DOCK3: variants seen among roughly 807,000 people sequenced by gnomAD.
The protein encoded by DOCK3 is dedicator of cytokinesis 3, also known as dedicator of cytokinesis protein 3.
A neutral mutation model predicts 265.6 loss-of-function variants in DOCK3; 60 were observed. The ratio of observed to expected loss-of-function variants is 0.23; its 90% CI spans 0.18 to 0.28. The LOEUF (loss-of-function observed/expected upper bound fraction) is 0.28, where lower values mean the gene tolerates loss of function less well. Ranked by LOEUF, DOCK3 falls within the 10% of genes least tolerant of loss-of-function variation. DOCK3 has a pLI of 1.00. For missense variants in DOCK3, 1,981 were observed against 2,594.3 expected, an observed-to-expected ratio of 0.76 and a Z score of 5.14; for synonymous variants, 881 against 938.0, an observed-to-expected ratio of 0.94 and a Z score of 1.11.
chr3:50,969,944 C>T (rs554948425), intron 5 of DOCK3, among the ~76,000 whole-genome samples: 41 of 152,134 alleles, frequency 2.7e-4, no homozygotes, highest in African/African-American at 8.4e-4. Context: ...TGGTGGCGGG[C>T]GCCTGTAGTC....
chr3:51,180,683 C>A (rs1447852858), intron 12 of DOCK3, among the ~76,000 whole-genome samples: 2 of 152,182 alleles, frequency 1.3e-5, no homozygotes, highest in Non-Finnish European at 2.9e-5. Flanking sequence ...TCTGCAAAGA[C>A]CCTTTTTCCA....
chr3:51,348,579 A>G (rs1281207176), intron 38 of DOCK3, among the ~76,000 whole-genome samples: 1 of 152,246 alleles, frequency 6.6e-6, no homozygotes, highest in Non-Finnish European at 1.5e-5. Flanking sequence ...CAGAACAGAA[A>G]TGGACAAGGA....
In DOCK3 at chr3:51,179,770, G is replaced by A. The variant is rs115186517; in HGVS notation, c.1037+19068G>A. Among the ~76,000 whole-genome samples the A allele has an allele frequency of 6.7e-3, 1,024 of 151,878 alleles. 6 individuals carry two copies. Among genetic ancestry groups the A allele is most frequent in the African/African-American group, 0.023 (957 of 41,380 alleles). On this transcript the variant is annotated intron_variant, in intron 12 of 52. Coordinates refer to ENST00000266037, the MANE Select transcript of DOCK3 (RefSeq NM_004947.5). ...TCTACAAAAAATAAAAAATTAGCCG[G>A]GCTTGGTGGTGCATGCCTGTAGTCC...
In DOCK3 at chr3:50,750,192, C is replaced by T. The variant is rs1293402704; in HGVS notation, c.38-28483C>T. Among the ~76,000 whole-genome samples the T allele has an allele frequency of 3.3e-5, 5 of 151,990 alleles. No homozygotes were observed. The South Asian group carries it at 1.0e-3, about 32-fold the overall frequency. ...TAATGACTGATGATCTGAGGTAGGG[C>T]AATTTCATCCTCAAACCCTCATCCC... is the stretch of plus-strand genomic sequence containing the variant. On this transcript the variant is annotated intron_variant, in intron 1 of 52. Coordinates refer to ENST00000266037, the MANE Select transcript of DOCK3 (RefSeq NM_004947.5).
chr3:50,906,657 C>G (rs544197470), intron 4 of DOCK3, among the ~76,000 whole-genome samples: 2 of 151,996 alleles, frequency 1.3e-5, no homozygotes, highest in South Asian at 2.1e-4. Context: ...TCTCTCTTTT[C>G]TTTGTTATTC....
At chr3:51,338,032 G>A (rs1290446515) in intron 35 of DOCK3, among the ~76,000 whole-genome samples, 1 of 152,222 alleles carries the variant, frequency 6.6e-6, no homozygotes, top group African/African-American at 2.4e-5. Context: ...TTGGGAAGTT[G>A]AGGATTTGGC....
intron 3 of DOCK3, among the ~76,000 whole-genome samples, chr3:50,869,632 A>G (rs2047341362): frequency 6.6e-6 from 1 of 151,890 alleles, no homozygotes; most frequent in Non-Finnish European, 1.5e-5. Flanking sequence ...TTGGCCTCCG[A>G]AAGTGCTGGG....
At chr3:51,073,164 A>C (rs1382573075) in intron 6 of DOCK3, among the ~76,000 whole-genome samples, 1 of 152,174 alleles carries the variant, frequency 6.6e-6, no homozygotes, top group African/African-American at 2.4e-5. Flanking sequence ...TAAAAAGTTT[A>C]ATGTGACTAC....
chr3:51,358,260 G>T (rs1021512184), intron 46 of DOCK3, among the ~76,000 whole-genome samples, 183 bp downstream of exon 46: 3 of 152,168 alleles, frequency 2.0e-5, no homozygotes, highest in Non-Finnish European at 4.4e-5. Flanking sequence ...CCAGGGGAAG[G>T]ATGCTGAGGA....
At chr3:51,282,482 T>C (rs1205868549) in intron 27 of DOCK3, among the ~76,000 whole-genome samples, 1 of 151,796 alleles carries the variant, frequency 6.6e-6, no homozygotes, top group Admixed American at 6.6e-5. Context: ...AGAGAAACCC[T>C]GTCTCTACTA....
At chr3:50,768,389 A>T (rs956305430) in intron 1 of DOCK3, among the ~76,000 whole-genome samples, 1 of 152,174 alleles carries the variant, frequency 6.6e-6, no homozygotes, top group African/African-American at 2.4e-5. Flanking sequence ...TTTTAGACCA[A>T]TATCCCTGAT....
At chr3:51,178,855 A>T (rs2087121477) in intron 12 of DOCK3, among the ~76,000 whole-genome samples, 1 of 152,252 alleles carries the variant, frequency 6.6e-6, no homozygotes, top group South Asian at 2.1e-4. Flanking sequence ...GAATTTGGAT[A>T]AAGTTGATGT....
intron 32 of DOCK3, among the ~76,000 whole-genome samples, chr3:51,324,394 A>G (rs951234315): frequency 6.6e-5 from 10 of 152,346 alleles, no homozygotes; most frequent in African/African-American, 2.4e-4. Context: ...AAGGAGAACT[A>G]CAAACCACTG....
intron 27 of DOCK3, among the ~76,000 whole-genome samples, chr3:51,308,487 T>C (rs1050708049): frequency 1.3e-5 from 2 of 151,516 alleles, no homozygotes; most frequent in Non-Finnish European, 2.9e-5. Flanking sequence ...TTAATCCATT[T>C]AACCCTGAGT....
At chr3:50,887,925 A>G (rs1166832010) in intron 3 of DOCK3, among the ~76,000 whole-genome samples, 1 of 152,154 alleles carries the variant, frequency 6.6e-6, no homozygotes, top group East Asian at 1.9e-4. Flanking sequence ...CAAAAACTGG[A>G]AGTATTCACT....
At chr3:50,884,017 A>G (rs931321882) in intron 3 of DOCK3, among the ~76,000 whole-genome samples, 29 of 151,820 alleles carry the variant, frequency 1.9e-4, no homozygotes, top group African/African-American at 6.3e-4. Context: ...CATTCAGCAT[A>G]ATGTTTTCTG....
At chr3:50,759,370 G>T (rs1212828810) in intron 1 of DOCK3, among the ~76,000 whole-genome samples, 1 of 151,940 alleles carries the variant, frequency 6.6e-6, no homozygotes, top group Non-Finnish European at 1.5e-5. Context: ...TTTAATATTT[G>T]TTCTTTTTTA....
intron 9 of DOCK3, among the ~76,000 whole-genome samples, chr3:51,137,761 A>C (rs1248888173): frequency 6.6e-6 from 1 of 152,230 alleles, no homozygotes; most frequent in Non-Finnish European, 1.5e-5. Context: ...AAAACAACTA[A>C]AGGTAGAGTA....
intron 1 of DOCK3, among the ~76,000 whole-genome samples, chr3:50,709,768 G>A (rs544829190): frequency 6.6e-6 from 1 of 152,334 alleles, no homozygotes; most frequent in African/African-American, 2.4e-5. Flanking sequence ...GGAGGTTTCA[G>A]TGAGCTGAGA....
Sources: allele counts gnomAD v4.1 joint callset (sites outside exome capture counted in the v4.1 genomes callset), GRCh38; gene constraint gnomAD v4.1.1; transcripts MANE v1.5; gene names NCBI Gene and HGNC (gene_info 2026-07-23, HGNC 2026-07-21).